CDH8: variants seen among roughly 807,000 people sequenced by gnomAD.
CDH8 encodes cadherin-8.
CDH8 carries 17 observed loss-of-function variants against 68.1 expected under a neutral mutation model. The observed-to-expected ratio is 0.25, with a 90% confidence interval of 0.17 to 0.37. CDH8 has a LOEUF of 0.37. Ranked by LOEUF, CDH8 falls within the 10% of genes least tolerant of loss-of-function variation. The pLI, the probability that CDH8 is intolerant of heterozygous loss-of-function variation, is 1.00. For synonymous variants in CDH8, 372 were observed against 365.1 expected (o/e 1.02, Z -0.21); for missense variants, 763 against 999.3 (o/e 0.76, Z 3.19).
At chr16:62,012,827 T>C (rs1314068194) in intron 2 of CDH8, among the ~76,000 whole-genome samples, 2 of 152,336 alleles carry the variant, frequency 1.3e-5, no homozygotes, top group East Asian at 3.9e-4. Context: ...GTGGGTTACC[T>C]GGATATCACA....
At chr16:61,980,844 T>A (rs867625613) in intron 2 of CDH8, among the ~76,000 whole-genome samples, 23 of 152,088 alleles carry the variant, frequency 1.5e-4, no homozygotes, top group African/African-American at 5.1e-4. Flanking sequence ...AAATATAAAA[T>A]GCAGATATAC....
intron 3 of CDH8, among the ~76,000 whole-genome samples, chr16:61,863,631 GA>G (rs1963196902): frequency 6.6e-6 from 1 of 152,160 alleles, no homozygotes; most frequent in Admixed American, 6.5e-5. Flanking sequence ...ATGATCAGAA[GA>G]AGACAAATTC....
chr16:61,648,177 G>A lies in CDH8; in HGVS notation c.*5431C>T, dbSNP rs985554413. ...TCTGTTTCTCTCACATATTTGATGTGTAATTTAACCCTGAAAATTCCTTAT... is the reference window on the plus strand; with the variant it reads ...TCTGTTTCTCTCACATATTTGATGTATAATTTAACCCTGAAAATTCCTTAT... On this transcript the variant is annotated 3_prime_UTR_variant, in exon 12 of 12. Coordinates refer to ENST00000577390, the MANE Select transcript of CDH8 (RefSeq NM_001796.5). 1 of 219,524 alleles carries A rather than the reference G, an allele frequency of 4.6e-6. No individual in the cohort carries two copies. 13.6% of individuals were successfully genotyped at this position (219,524 alleles called of 1,614,324 possible).
At chr16:61,970,796 C>T (rs1478913583) in intron 2 of CDH8, among the ~76,000 whole-genome samples, 4 of 152,230 alleles carry the variant, frequency 2.6e-5, no homozygotes, top group African/African-American at 9.6e-5. Flanking sequence ...TGTCAGGCCT[C>T]TGAGCCCAAG....
chr16:62,033,573 A>G (rs1021645713), intron 1 of CDH8, among the ~76,000 whole-genome samples: 3 of 152,254 alleles, frequency 2.0e-5, no homozygotes, highest in African/African-American at 7.2e-5. Context: ...TCTAACAGTA[A>G]TAATAATTAG....
intron 8 of CDH8, among the ~76,000 whole-genome samples, chr16:61,762,443 T>C (rs1424419621): frequency 6.6e-6 from 1 of 152,216 alleles, no homozygotes; most frequent in Non-Finnish European, 1.5e-5. Context: ...TGATGACTAT[T>C]ACCTCCCTAA....
rs1168772619 is a variant in CDH8 at position 61,652,463 on chromosome 16, T to C, written c.*1145A>G. The C allele has an allele frequency of 1.0e-6, 1 of 987,818 alleles. No homozygotes were observed. Among genetic ancestry groups the C allele is most frequent in the African/African-American group, 1.7e-5 (1 of 57,326 alleles). The allele number at this position is 987,818 out of a possible 1,614,324, so 61.2% of individuals were successfully genotyped here. A position where few individuals can be genotyped will look rare whatever the true frequency, so the allele number is the denominator to read the frequency against. ...TAGTAAAAACACCAAATACTAGGAT[T>C]ATGAACAAAATAGAAAACAGTCCAA... On this transcript the variant is annotated 3_prime_UTR_variant, in exon 12 of 12. Coordinates refer to ENST00000577390, the MANE Select transcript of CDH8 (RefSeq NM_001796.5).
At chr16:61,686,930 G>A (rs1964121205) in intron 10 of CDH8, among the ~76,000 whole-genome samples, 1 of 151,720 alleles carries the variant, frequency 6.6e-6, no homozygotes, top group Non-Finnish European at 1.5e-5. Flanking sequence ...GTTCATTACA[G>A]CAACTAGATA....
chr16:61,726,898 A>G (rs1959388939), intron 9 of CDH8, 196 bp downstream of exon 9: 5 of 566,824 alleles, frequency 8.8e-6, no homozygotes, highest in Admixed American at 3.2e-5. Context: ...TTTAGGAGCC[A>G]ATTTGGTCAT....
At chr16:61,681,674 T>G (rs567643658) in intron 10 of CDH8, among the ~76,000 whole-genome samples, 1 of 151,950 alleles carries the variant, frequency 6.6e-6, no homozygotes, top group Admixed American at 6.6e-5. Context: ...TTATGGAATG[T>G]AAATGATTTC....
At chr16:61,814,583 C>G (rs1962031697) in intron 7 of CDH8, among the ~76,000 whole-genome samples, 1 of 152,176 alleles carries the variant, frequency 6.6e-6, no homozygotes, top group African/African-American at 2.4e-5. Flanking sequence ...GGATAACTGC[C>G]TATTTCTTGC....
chr16:61,740,365 G>T (rs753824385), intron 8 of CDH8, among the ~76,000 whole-genome samples: 7 of 151,840 alleles, frequency 4.6e-5, no homozygotes, highest in Non-Finnish European at 1.0e-4. Context: ...AATATATGAT[G>T]GTGACTTCCT....
At chr16:61,727,268 C>A in intron 8 of CDH8, 53 bp from the exon 9 acceptor site, 2 of 1,525,440 alleles carry the variant, frequency 1.3e-6, no homozygotes, top group South Asian at 2.6e-5. Context: ...TTTTAACGTG[C>A]AACTCAACTT....
chr16:61,797,059 T>A (rs1307450955), intron 7 of CDH8, among the ~76,000 whole-genome samples: 2 of 152,100 alleles, frequency 1.3e-5, no homozygotes, highest in Non-Finnish European at 2.9e-5. Flanking sequence ...CATTTCATAC[T>A]GATATTTGGC....
intron 2 of CDH8, among the ~76,000 whole-genome samples, chr16:61,907,635 C>T (rs890533106): frequency 2.6e-5 from 4 of 151,008 alleles, no homozygotes; most frequent in African/African-American, 9.8e-5. Flanking sequence ...GCCATGATTG[C>T]ACCACTGCAC....
intron 4 of CDH8, among the ~76,000 whole-genome samples, chr16:61,855,397 A>G (rs1021148443): frequency 5.3e-5 from 8 of 152,142 alleles, no homozygotes; most frequent in Admixed American, 3.9e-4. Flanking sequence ...TAAGAAACAA[A>G]TTATCTAAAT....
Position 61,873,770 on chromosome 16 carries a change from C to T in CDH8, c.548-16532G>A, listed in dbSNP as rs191831706. Among the ~76,000 whole-genome samples the T allele has an allele frequency of 1.5e-3, 224 of 152,266 alleles. 1 individual carries two copies. Among genetic ancestry groups the T allele is most frequent in the African/African-American group, 5.2e-3 (218 of 41,566 alleles). On this transcript the variant is annotated intron_variant, in intron 3 of 11. Coordinates refer to ENST00000577390, the MANE Select transcript of CDH8 (RefSeq NM_001796.5). ...GAAGCTAAACAACCAGGTGCGGTGGCTTACTCCAGGTGAGGTGGCTCACGC... is the reference window on the plus strand; with the variant it reads ...GAAGCTAAACAACCAGGTGCGGTGGTTTACTCCAGGTGAGGTGGCTCACGC...
intron 8 of CDH8, among the ~76,000 whole-genome samples, chr16:61,738,665 G>A (rs1235072063): frequency 2.0e-5 from 3 of 152,074 alleles, no homozygotes; most frequent in Non-Finnish European, 4.4e-5. Context: ...AATGAGCATG[G>A]AACTATTATG....
intron 10 of CDH8, among the ~76,000 whole-genome samples, chr16:61,711,041 A>T (rs1047450391): frequency 1.3e-5 from 2 of 151,896 alleles, no homozygotes. Context: ...TAAAAGGTTC[A>T]CTGTATTTTT....
Sources: allele counts gnomAD v4.1 joint callset (sites outside exome capture counted in the v4.1 genomes callset), GRCh38; gene constraint gnomAD v4.1.1; transcripts MANE v1.5; gene names NCBI Gene and HGNC (gene_info 2026-07-23, HGNC 2026-07-21).